CALML3: variants seen among roughly 807,000 people sequenced by gnomAD.
CALML3 encodes calmodulin-like protein 3.
For missense variants in CALML3, 198 were observed against 214.1 expected, an observed-to-expected ratio of 0.92 and a Z score of 0.47; for synonymous variants, 98 against 89.9, an observed-to-expected ratio of 1.09 and a Z score of -0.51.
Position 5,525,561 on chromosome 10 carries a change from C to A in CALML3, c.*26C>A, listed in dbSNP as rs1441154777. The A allele has an allele frequency of 1.3e-6, 2 of 1,549,722 alleles. No individual in the cohort carries two copies. The highest frequency in any genetic ancestry group is 1.2e-5 in the South Asian group (1 of 80,746). ...GGCCGGCGCCCACCATGCTCCTGGG[C>A]GCCCACGCGGCCCACAGGGCAAGAA... On this transcript the variant is annotated 3_prime_UTR_variant, in exon 1 of 1. Coordinates refer to ENST00000315238, the MANE Select transcript of CALML3 (RefSeq NM_005185.4).
rs972700210 is a variant in CALML3 at position 5,525,794 on chromosome 10, A to G, written c.*259A>G. 1 of 1,392,134 alleles carries G rather than the reference A, an allele frequency of 7.2e-7. No homozygotes were observed. Among genetic ancestry groups the G allele is most frequent in the Non-Finnish European group, 9.4e-7 (1 of 1,064,628 alleles). 86.2% of individuals were successfully genotyped at this position (1,392,134 alleles called of 1,614,324 possible). The stretch of plus-strand genomic sequence containing the variant: ...CGTGACGCCCTCCCCACTCGGGAGA[A>G]GCAGAGCTGACCTTAGGACCGAGCA... On this transcript the variant is annotated 3_prime_UTR_variant, in exon 1 of 1. Coordinates refer to ENST00000315238, the MANE Select transcript of CALML3 (RefSeq NM_005185.4).
rs564819844 is a variant in CALML3, at chr10:5,525,593, G to A, written c.*58G>A. 1.3e-6 allele frequency: 2 copies of A among 1,485,508 alleles called. No homozygotes were observed. The highest frequency in any genetic ancestry group is 2.4e-5 in the East Asian group (1 of 41,308). The allele number at this position is 1,485,508 out of a possible 1,614,324, so 92.0% of individuals were successfully genotyped here. The stretch of plus-strand genomic sequence containing the variant: ...GCGGCCCACAGGGCAAGAACCCGGG[G>A]CCTCCCGCCTCCTCCCCCATCCCCC... On this transcript the variant is annotated 3_prime_UTR_variant, in exon 1 of 1. Transcript: ENST00000315238.
chr10:5,526,446 T>C lies in CALML3; in HGVS notation c.*911T>C, dbSNP rs1423130968. Reference sequence around the variant, plus strand: ...TGAGGGAAATATTGAATATTCTCAATCAAATGGATACGCTGGCAGCAAAGA... The same window carrying C: ...TGAGGGAAATATTGAATATTCTCAACCAAATGGATACGCTGGCAGCAAAGA... On this transcript the variant is annotated 3_prime_UTR_variant, in exon 1 of 1. Coordinates refer to ENST00000315238, the MANE Select transcript of CALML3 (RefSeq NM_005185.4). 1 of 167,002 alleles carries C rather than the reference T, an allele frequency of 6.0e-6. No homozygotes were observed. Among genetic ancestry groups the C allele is most frequent in the Non-Finnish European group, 1.5e-5 (1 of 68,116 alleles). The allele number at this position is 167,002 out of a possible 1,614,324, so 10.3% of individuals were successfully genotyped here. A position where few individuals can be genotyped will look rare whatever the true frequency, so the allele number is the denominator to read the frequency against.
chr10:5,525,379 C>T lies in CALML3; in HGVS notation c.294C>T (p.Asn98=), dbSNP rs1380059416. 2 of 1,613,712 alleles carry T rather than the reference C, an allele frequency of 1.2e-6. No homozygotes were observed. Among genetic ancestry groups the T allele is most frequent in the Non-Finnish European group, 8.5e-7 (1 of 1,179,992 alleles). ...TCCGCGTGTTCGACAAGGACGGCAA[C>T]GGCTTCGTCAGCGCCGCCGAGCTGC... ...EAFRVFDKDG[N]GFVSAAELRH... Residue 98 remains asparagine (N), a synonymous_variant, in exon 1 of 1, where the codon AAC becomes AAT. Transcript: ENST00000315238.
chr10:5,526,693 A>C lies in CALML3; in HGVS notation c.*1158A>C, dbSNP rs1833592364. 1 of 167,060 alleles carries C rather than the reference A, an allele frequency of 6.0e-6. No individual in the cohort carries two copies. Among genetic ancestry groups the C allele is most frequent in the African/African-American group, 2.4e-5 (1 of 41,320 alleles). 10.3% of individuals were successfully genotyped at this position (167,060 alleles called of 1,614,324 possible). On this transcript the variant is annotated 3_prime_UTR_variant, in exon 1 of 1. Coordinates refer to ENST00000315238, the MANE Select transcript of CALML3 (RefSeq NM_005185.4). ...GCAAGCTGCTGGCAACACCTAGAGA[A>C]GGTCGAAGGGGCCCTGCCAGAGATC...
Position 5,526,469 on chromosome 10 carries a change from AG to A in CALML3, c.*935del, listed in dbSNP as rs1414332812. On this transcript the variant is annotated 3_prime_UTR_variant, in exon 1 of 1. Transcript: ENST00000315238. ...AATCAAATGGATACGCTGGCAGCAA[AG>A]AGTGGTTAAAAGTCCATCAGGACTT... The A allele has an allele frequency of 1.2e-5, 2 of 167,066 alleles. No homozygotes were observed. The highest frequency in any genetic ancestry group is 2.9e-5 in the Non-Finnish European group (2 of 68,130). The allele number at this position is 167,066 out of a possible 1,614,324, so 10.3% of individuals were successfully genotyped here. A position where few individuals can be genotyped will look rare whatever the true frequency, so the allele number is the denominator to read the frequency against.
rs1408758002 is a variant in CALML3, at chr10:5,525,676, T to C, written c.*141T>C. On this transcript the variant is annotated 3_prime_UTR_variant, in exon 1 of 1. Coordinates refer to ENST00000315238, the MANE Select transcript of CALML3 (RefSeq NM_005185.4). ...GCCTGGTTGATTCAGCCCACCTCTC[T>C]GCATCCCGCTTCCCGCGTCTCTTCT... 13 of 1,448,170 alleles carry C rather than the reference T, an allele frequency of 9.0e-6. No homozygotes were observed. Among genetic ancestry groups the C allele is most frequent in the Non-Finnish European group, 1.1e-5 (12 of 1,099,560 alleles). 89.7% of individuals were successfully genotyped at this position (1,448,170 alleles called of 1,614,324 possible). A position where few individuals can be genotyped will look rare whatever the true frequency, so the allele number is the denominator to read the frequency against.
Position 5,525,626 on chromosome 10 carries a change from C to T in CALML3, c.*91C>T. ...CCTCCTCCCCCATCCCCCTGCCTCC[C>T]CTGGGCACTGTGGCTTCCTCCTGCG... On this transcript the variant is annotated 3_prime_UTR_variant, in exon 1 of 1. Transcript: ENST00000315238. 2 of 1,463,492 alleles carry T rather than the reference C, an allele frequency of 1.4e-6. No homozygotes were observed. The highest frequency in any genetic ancestry group is 1.4e-5 in the South Asian group (1 of 69,694). The allele number at this position is 1,463,492 out of a possible 1,614,324, so 90.7% of individuals were successfully genotyped here. A position where few individuals can be genotyped will look rare whatever the true frequency, so the allele number is the denominator to read the frequency against.
In CALML3 at chr10:5,525,277, G is replaced by A. The variant is rs773231738; in HGVS notation, c.192G>A (p.Val64=). 7 of 1,613,830 alleles carry A rather than the reference G, an allele frequency of 4.3e-6. No individual in the cohort carries two copies. In the East Asian group the frequency reaches 1.3e-4, roughly 31 times the overall value. ...TCGACCGGGACGGCAACGGCACCGT[G>A]GACTTCCCCGAGTTCCTGGGCATGA... ...SEIDRDGNGT[V]DFPEFLGMMA... is the part of the protein sequence containing the mutation. Residue 64 remains valine, a synonymous_variant, in exon 1 of 1, where the codon GTG becomes GTA. Transcript: ENST00000315238.
chr10:5,525,556 C>G lies in CALML3; in HGVS notation c.*21C>G, dbSNP rs1290661764. The G allele has an allele frequency of 6.4e-7, 1 of 1,561,908 alleles. No homozygotes were observed. The highest frequency in any genetic ancestry group is 8.7e-7 in the Non-Finnish European group (1 of 1,151,514). On this transcript the variant is annotated 3_prime_UTR_variant, in exon 1 of 1. Coordinates refer to ENST00000315238, the MANE Select transcript of CALML3 (RefSeq NM_005185.4). ...AGTGAGGCCGGCGCCCACCATGCTC[C>G]TGGGCGCCCACGCGGCCCACAGGGC...
At position 5,525,263 on chromosome 10, in the gene CALML3, G is replaced by A. The variant is rs780155379; in HGVS notation, c.178G>A (p.Gly60Ser). 1.2e-6 allele frequency: 2 copies of A among 1,613,964 alleles called. No individual in the cohort carries two copies. Among genetic ancestry groups the A allele is most frequent in the Non-Finnish European group, 1.7e-6 (2 of 1,179,978 alleles). The change falls in exon 1 of 1, where the codon GGC (glycine) becomes AGC (serine). Residue 60 changes from glycine (G) to serine (S), a missense_variant. Coordinates refer to ENST00000315238, the MANE Select transcript of CALML3 (RefSeq NM_005185.4). ...RDMMSEIDRD[G>S]NGTVDFPEFL... The stretch of plus-strand genomic sequence containing the variant: ...CATGATGAGTGAGATCGACCGGGAC[G>A]GCAACGGCACCGTGGACTTCCCCGA...
Position 5,524,977 on chromosome 10 carries a change from C to T in CALML3, c.-109C>T. 2 of 781,406 alleles carry T rather than the reference C, an allele frequency of 2.6e-6. No individual in the cohort carries two copies. The highest frequency in any genetic ancestry group is 4.0e-6 in the Non-Finnish European group (2 of 494,542). The allele number at this position is 781,406 out of a possible 1,614,324, so 48.4% of individuals were successfully genotyped here. ...AGCCAGGGCGAGACAGCCCGCCGGC[C>T]GCCCGGATCTCCACCTGCCACCCCA... is the stretch of plus-strand genomic sequence containing the variant. On this transcript the variant is annotated 5_prime_UTR_variant, in exon 1 of 1. Coordinates refer to ENST00000315238, the MANE Select transcript of CALML3 (RefSeq NM_005185.4).
In CALML3 at chr10:5,525,381, G is replaced by A; in HGVS notation, c.296G>A (p.Gly99Asp). ...CGCGTGTTCGACAAGGACGGCAACGGCTTCGTCAGCGCCGCCGAGCTGCGA... is the reference window on the plus strand; with the variant it reads ...CGCGTGTTCGACAAGGACGGCAACGACTTCGTCAGCGCCGCCGAGCTGCGA... Reference protein sequence around the residue: ...AFRVFDKDGNGFVSAAELRHV... With the variant: ...AFRVFDKDGNDFVSAAELRHV... The change falls in exon 1 of 1, where the codon GGC becomes GAC. Residue 99 changes from glycine to aspartate, a missense_variant. By Grantham distance (94) the Gly-to-Asp change is moderately conservative. Coordinates refer to ENST00000315238, the MANE Select transcript of CALML3 (RefSeq NM_005185.4). 1 of 1,613,828 alleles carries A rather than the reference G, an allele frequency of 6.2e-7. No individual in the cohort carries two copies. The highest frequency in any genetic ancestry group is 8.5e-7 in the Non-Finnish European group (1 of 1,179,978).
Position 5,525,629 on chromosome 10 carries a change from GGGCACTGT to G in CALML3, c.*98_*105del, listed in dbSNP as rs1833576395. 6.9e-7 allele frequency: 1 copy of G among 1,459,734 alleles called. No homozygotes were observed. Among genetic ancestry groups the G allele is most frequent in the Non-Finnish European group, 9.0e-7 (1 of 1,105,876 alleles). 90.4% of individuals were successfully genotyped at this position (1,459,734 alleles called of 1,614,324 possible). ...CCTCCCCCATCCCCCTGCCTCCCCT[GGGCACTGT>G]GGCTTCCTCCTGCGCCTGGTTGATT... On this transcript the variant is annotated 3_prime_UTR_variant, in exon 1 of 1. Coordinates refer to ENST00000315238, the MANE Select transcript of CALML3 (RefSeq NM_005185.4).
In CALML3 at chr10:5,525,217, C is replaced by T; in HGVS notation, c.132C>T (p.Pro44=). Residue 44 remains proline (P), a synonymous_variant, in exon 1 of 1, where the codon CCC becomes CCT. Coordinates refer to ENST00000315238, the MANE Select transcript of CALML3 (RefSeq NM_005185.4). Reference sequence around the variant, plus strand: ...TCATGCGGTCCCTGGGCCAGAACCCCACGGAGGCCGAGCTGCGGGACATGA... The same window carrying T: ...TCATGCGGTCCCTGGGCCAGAACCCTACGGAGGCCGAGCTGCGGGACATGA... ...GTVMRSLGQN[P]TEAELRDMMS... The T allele has an allele frequency of 4.3e-6, 7 of 1,613,962 alleles. No individual in the cohort carries two copies. Among genetic ancestry groups the T allele is most frequent in the Non-Finnish European group, 5.9e-6 (7 of 1,180,000 alleles).
At position 5,525,386 on chromosome 10, in the gene CALML3, G is replaced by C. The variant is rs138687331; in HGVS notation, c.301G>C (p.Val101Leu). ...GTTCGACAAGGACGGCAACGGCTTC[G>C]TCAGCGCCGCCGAGCTGCGACACGT... ...RVFDKDGNGF[V>L]SAAELRHVMT... The change falls in exon 1 of 1, where the codon GTC becomes CTC. Residue 101 changes from valine (V) to leucine (L), a missense_variant. Val to Leu is a conservative substitution (Grantham distance 32). Transcript: ENST00000315238. The C allele has an allele frequency of 3.1e-6, 5 of 1,613,740 alleles. No homozygotes were observed. The highest frequency in any genetic ancestry group is 4.2e-6 in the Non-Finnish European group (5 of 1,179,964).
Position 5,525,870 on chromosome 10 carries a change from AC to A in CALML3, c.*339del, listed in dbSNP as rs1833579835. 1.2e-6 allele frequency: 1 copy of A among 855,496 alleles called. No homozygotes were observed. The allele number at this position is 855,496 out of a possible 1,614,324, so 53.0% of individuals were successfully genotyped here. A position where few individuals can be genotyped will look rare whatever the true frequency, so the allele number is the denominator to read the frequency against. ...GGCCCTCCAGGACGGACACCGGGTGACCCCTTAGGGCACCCAGGCAAGATCC... is the reference window on the plus strand; with the variant it reads ...GGCCCTCCAGGACGGACACCGGGTGACCCTTAGGGCACCCAGGCAAGATCC... On this transcript the variant is annotated 3_prime_UTR_variant, in exon 1 of 1. Transcript: ENST00000315238.
Position 5,525,522 on chromosome 10 carries a change from T to C in CALML3, c.437T>C (p.Leu146Pro). ...AACTACGAGGAGTTTGTCCGTGTGC[T>C]GGTGTCCAAGTGAGGCCGGCGCCCA... Reference protein sequence around the residue: ...QVNYEEFVRVLVSK With the variant: ...QVNYEEFVRVPVSK The change falls in exon 1 of 1, where the codon CTG becomes CCG. Residue 146 changes from leucine (L) to proline (P), a missense_variant. Transcript: ENST00000315238. 6.3e-7 allele frequency: 1 copy of C among 1,598,582 alleles called. No individual in the cohort carries two copies. The highest frequency in any genetic ancestry group is 8.6e-7 in the Non-Finnish European group (1 of 1,169,528).
At position 5,525,594 on chromosome 10, in the gene CALML3, C is replaced by A. The variant is rs1833575485; in HGVS notation, c.*59C>A. 5 of 1,481,460 alleles carry A rather than the reference C, an allele frequency of 3.4e-6. No individual in the cohort carries two copies. In the East Asian group the frequency reaches 9.7e-5, roughly 29 times the overall value. The allele number at this position is 1,481,460 out of a possible 1,614,324, so 91.8% of individuals were successfully genotyped here. A position where few individuals can be genotyped will look rare whatever the true frequency, so the allele number is the denominator to read the frequency against. The stretch of plus-strand genomic sequence containing the variant: ...CGGCCCACAGGGCAAGAACCCGGGG[C>A]CTCCCGCCTCCTCCCCCATCCCCCT... On this transcript the variant is annotated 3_prime_UTR_variant, in exon 1 of 1. Coordinates refer to ENST00000315238, the MANE Select transcript of CALML3 (RefSeq NM_005185.4).
Sources: allele counts gnomAD v4.1 joint callset, GRCh38; gene constraint gnomAD v4.1.1; transcripts MANE v1.5; gene names NCBI Gene and HGNC (gene_info 2026-07-23, HGNC 2026-07-21).